The following RYR3 variants were observed in gnomAD, a reference collection of about 807,000 sequenced individuals.
RYR3 encodes the protein ryanodine receptor 3.
A neutral mutation model predicts 584.3 loss-of-function variants in RYR3; 207 were observed. The ratio of observed to expected loss-of-function variants is 0.35; its 90% CI spans 0.32 to 0.40. The LOEUF (loss-of-function observed/expected upper bound fraction) is 0.40. RYR3 is among the 10% of genes least tolerant of loss of function. RYR3 has a pLI of 1.00. For missense variants in RYR3, 5,616 were observed against 6,089.2 expected (o/e 0.92, Z 2.59); for synonymous variants, 2,416 against 2,248.5 (o/e 1.07, Z -2.11).
chr15:33,322,087 A>G (rs1196128748), intron 1 of RYR3, among the ~76,000 whole-genome samples: 1 of 152,240 alleles, frequency 6.6e-6, no homozygotes, highest in Non-Finnish European at 1.5e-5. Context: ...ATAAAATGCT[A>G]TGAAGATGTC....
intron 3 of RYR3, among the ~76,000 whole-genome samples, chr15:33,516,826 A>G (rs189215513): frequency 1.3e-5 from 2 of 152,106 alleles, no homozygotes; most frequent in East Asian, 3.9e-4. Context: ...TTTGTAACCC[A>G]TGAGACCTTG....
At chr15:33,631,866 A>C (rs919287698) in intron 23 of RYR3, among the ~76,000 whole-genome samples, 18 of 152,236 alleles carry the variant, frequency 1.2e-4, no homozygotes, top group African/African-American at 4.3e-4. Context: ...ATTCACACAC[A>C]GGTGTCATCA....
intron 62 of RYR3, among the ~76,000 whole-genome samples, chr15:33,769,924 G>A (rs2073427717): frequency 6.6e-6 from 1 of 152,074 alleles, no homozygotes; most frequent in Non-Finnish European, 1.5e-5. Flanking sequence ...ACTCCAGCCT[G>A]GATGACAGAG....
Position 33,390,479 on chromosome 15 carries a change from T to A in RYR3, c.51+79383T>A, listed in dbSNP as rs1190799153. ...GAAGTTGCTTCTCTTTATCTGTTGA[T>A]CTTATGATGCTGAAAATAGGGGAAA... On this transcript the variant is annotated intron_variant, in intron 1 of 103. Coordinates refer to ENST00000634891, the MANE Select transcript of RYR3 (RefSeq NM_001036.6). The surrounding 1 kb of genome is among the most constrained non-coding windows in gnomAD (Gnocchi z 4.2). Among the ~76,000 whole-genome samples the A allele has an allele frequency of 5.3e-5, 8 of 152,326 alleles. No individual in the cohort carries two copies. The East Asian group carries it at 1.3e-3, about 26-fold the overall frequency.
chr15:33,434,644 G>C (rs1189109339), intron 1 of RYR3, among the ~76,000 whole-genome samples: 1 of 152,072 alleles, frequency 6.6e-6, no homozygotes, highest in African/African-American at 2.4e-5. Flanking sequence ...TCGCATACTT[G>C]CTATTCAGCT....
At chr15:33,607,023 G>T (rs2059941953) in intron 18 of RYR3, among the ~76,000 whole-genome samples, 1 of 152,094 alleles carries the variant, frequency 6.6e-6, no homozygotes, top group Admixed American at 6.6e-5. Context: ...GAGTTCCAGG[G>T]TATTTGTTTA....
At chr15:33,826,443 C>T (rs375331934) in intron 83 of RYR3, among the ~76,000 whole-genome samples, 174 bp downstream of exon 83, 3 of 152,130 alleles carry the variant, frequency 2.0e-5, no homozygotes, top group East Asian at 1.9e-4. Flanking sequence ...GGTTATGGAC[C>T]GTGAGCCATT....
intron 99 of RYR3, 103 bp downstream of exon 99, chr15:33,858,017 G>A (rs1418974608): frequency 1.5e-5 from 21 of 1,437,358 alleles, no homozygotes; most frequent in Non-Finnish European, 2.8e-6. Flanking sequence ...CTTGAGAACT[G>A]TAGAGTTAGT....
intron 1 of RYR3, among the ~76,000 whole-genome samples, chr15:33,385,704 T>C (rs1292910387): frequency 2.4e-5 from 2 of 84,542 alleles, no homozygotes; most frequent in Admixed American, 2.8e-4. Flanking sequence ...TTTTTCTTTT[T>C]CTTTTCTTTT....
intron 1 of RYR3, among the ~76,000 whole-genome samples, chr15:33,432,247 A>T (rs1251156471): frequency 6.6e-6 from 1 of 152,182 alleles, no homozygotes; most frequent in African/African-American, 2.4e-5. Flanking sequence ...AAAGATGACT[A>T]CTACAGGAGG....
chr15:33,578,801 G>A (rs528380212), intron 12 of RYR3, among the ~76,000 whole-genome samples: 5 of 142,960 alleles, frequency 3.5e-5, no homozygotes, highest in African/African-American at 5.4e-5. Context: ...AAAACTCCTC[G>A]TGATGTTACT....
intron 2 of RYR3, among the ~76,000 whole-genome samples, chr15:33,491,879 C>T (rs1223232761): frequency 6.6e-6 from 1 of 152,062 alleles, no homozygotes; most frequent in Non-Finnish European, 1.5e-5. Context: ...ACAGCTCATG[C>T]CCTGGGTGAA....
chr15:33,739,729 A>T, intron 50 of RYR3, 103 bp from the exon 51 acceptor site: 1 of 928,470 alleles, frequency 1.1e-6, no homozygotes, highest in East Asian at 2.6e-5. Flanking sequence ...AACCTGGATA[A>T]ATGCGCGTAT....
At chr15:33,435,376 T>C (rs923438495) in intron 1 of RYR3, among the ~76,000 whole-genome samples, 1 of 152,362 alleles carries the variant, frequency 6.6e-6, no homozygotes, top group South Asian at 2.1e-4. Flanking sequence ...TTCTCATCAA[T>C]TTTCAGCTAC....
At chr15:33,361,673 C>T (rs1410249439) in intron 1 of RYR3, among the ~76,000 whole-genome samples, 1 of 152,150 alleles carries the variant, frequency 6.6e-6, no homozygotes, top group Non-Finnish European at 1.5e-5. Context: ...AGTTCCCCAG[C>T]CTTGAAGAGA....
chr15:33,547,735 A>G (rs1275395637), intron 8 of RYR3, among the ~76,000 whole-genome samples: 1 of 152,160 alleles, frequency 6.6e-6, no homozygotes, highest in Non-Finnish European at 1.5e-5. Flanking sequence ...GTACAAATAC[A>G]TTTTTTAAAG....
intron 16 of RYR3, among the ~76,000 whole-genome samples, chr15:33,600,312 CA>C (rs1302293250): frequency 1.3e-5 from 2 of 152,042 alleles, no homozygotes; most frequent in African/African-American, 2.4e-5. Flanking sequence ...CTTCAGTGGC[CA>C]CTTTGAAAGA....
At chr15:33,392,258 G>A (rs539308082) in intron 1 of RYR3, among the ~76,000 whole-genome samples, 2 of 150,942 alleles carry the variant, frequency 1.3e-5, no homozygotes, top group South Asian at 4.2e-4. Flanking sequence ...TCTGGGTCTC[G>A]TTGCATGCGT....
chr15:33,511,159 G>A (rs570155402), intron 3 of RYR3, among the ~76,000 whole-genome samples: 1 of 151,794 alleles, frequency 6.6e-6, no homozygotes, highest in South Asian at 2.1e-4. Flanking sequence ...TAAAAAAGTG[G>A]TTCAGCTGAC....
Sources: gnomAD v4.1 joint callset for allele counts (sites outside exome capture counted in the v4.1 genomes callset) on GRCh38, gnomAD v4.1.1 for gene constraint, Gnocchi (gnomAD v3.1) non-coding constraint, MANE v1.5 for transcripts, NCBI Gene and HGNC (gene_info 2026-07-23, HGNC 2026-07-21) for gene names.